RPS6KA3: variants seen among roughly 807,000 people sequenced by gnomAD.
RPS6KA3 encodes ribosomal protein S6 kinase A3, also known as ribosomal protein S6 kinase alpha-3.
A neutral mutation model predicts 67.2 loss-of-function variants in RPS6KA3; 4 were observed. The observed-to-expected ratio is 0.06, with a 90% CI of 0.03 to 0.14. The LOEUF is 0.14. Among genes scored for constraint, RPS6KA3 ranks in the 10% least tolerant of loss-of-function variants. The probability of loss-of-function intolerance (pLI) is 1.00; values close to 1 mark genes in which losing one functional copy is unlikely to be tolerated. For missense variants in RPS6KA3, 204 were observed against 559.0 expected, an observed-to-expected ratio of 0.36 and a Z score of 6.40; for synonymous variants, 182 against 183.7, an observed-to-expected ratio of 0.99 and a Z score of 0.07.
chrX:20,176,578 C>CTAAT lies in RPS6KA3; in HGVS notation c.935-84_935-81dup, dbSNP rs754409176. On this transcript the variant is annotated intron_variant, in intron 11 of 21. Transcript: ENST00000379565. The stretch of plus-strand genomic sequence containing the variant: ...CTCAGCCTTTGTTTTCAATACTTGT[C>CTAAT]TAATTAATTAATTAATTAATTAATT... The CTAAT allele has an allele frequency of 1.6e-3, 962 of 586,935 alleles. 4 individuals carry two copies. The highest frequency in any genetic ancestry group is 0.01 in the African/African-American group (445 of 42,498). The allele number at this position is 586,935 out of a possible 1,213,427, so 48.4% of individuals were successfully genotyped here. A position where few individuals can be genotyped will look rare whatever the true frequency, so the allele number is the denominator to read the frequency against.
At chrX:20,220,149 C>G (rs1185626805) in intron 2 of RPS6KA3, among the ~76,000 whole-genome samples, 1 of 110,559 alleles carries the variant, frequency 9.0e-6, no homozygotes, top group African/African-American at 3.3e-5. Flanking sequence ...GGCTCTTCCT[C>G]CTCTATCAAA....
At chrX:20,198,117 AT>A (rs1278500873) in intron 4 of RPS6KA3, among the ~76,000 whole-genome samples, 18 of 112,155 alleles carry the variant, frequency 1.6e-4, no homozygotes, top group Non-Finnish European at 2.8e-4. Flanking sequence ...GAACTTTAAA[AT>A]GGGAAGAGAC....
At chrX:20,266,422 C>T in intron 1 of RPS6KA3, 142 bp downstream of exon 1, 2 of 494,574 alleles carry the variant, frequency 4.0e-6, no homozygotes, top group Non-Finnish European at 6.9e-6. Context: ...CCCACCCCAA[C>T]AACCCAAACC....
chrX:20,205,346 C>T (rs2068549220), intron 3 of RPS6KA3, among the ~76,000 whole-genome samples: 1 of 112,647 alleles, frequency 8.9e-6, no homozygotes, highest in African/African-American at 3.2e-5. Context: ...CAACCACAAT[C>T]AAGAATTAAG....
chrX:20,171,145 T>C (rs1286795907), intron 15 of RPS6KA3, among the ~76,000 whole-genome samples: 2 of 112,343 alleles, frequency 1.8e-5, no homozygotes, highest in African/African-American at 6.5e-5. Flanking sequence ...ATATAATACA[T>C]ATAACATACA....
At chrX:20,255,789 CAAAAAAAAAAA>C (rs766544803) in intron 1 of RPS6KA3, among the ~76,000 whole-genome samples, 1 of 17,151 alleles carries the variant, frequency 5.8e-5, no homozygotes, top group African/African-American at 3.0e-4. Context: ...AATTTCGTCT[CAAAAAAAAAAA>C]AAAAAAAAAA....
At chrX:20,227,835 T>TA (rs555606011) in intron 2 of RPS6KA3, among the ~76,000 whole-genome samples, 6 of 109,848 alleles carry the variant, frequency 5.5e-5, no homozygotes, top group South Asian at 3.8e-4. Flanking sequence ...TATTACAACG[T>TA]AAAAAAAAAT....
At chrX:20,223,189 G>T (rs1359704565) in intron 2 of RPS6KA3, among the ~76,000 whole-genome samples, 2 of 111,111 alleles carry the variant, frequency 1.8e-5, no homozygotes, top group Non-Finnish European at 3.8e-5. Context: ...ATTTTATTTA[G>T]GATTTTTGCA....
Position 20,172,772 on chromosome X carries a change from C to A in RPS6KA3, c.1327G>T (p.Ala443Ser), listed in dbSNP as rs1569201390. ...TTCACTGCAAACTCCATGTTTGTAG[C>A]TTTATGTATACATCTCTTGCAAACA... ...YSVCKRCIHK[A>S]TNMEFAVKII... Residue 443 changes from alanine to serine, a missense_variant, in exon 15 of 22, where the codon GCT becomes TCT. This residue lies in a region of RPS6KA3 where 73 missense variants were observed against 241.1 expected (regional missense o/e 0.30). Transcript: ENST00000379565. The A allele has an allele frequency of 8.3e-7, 1 of 1,202,859 alleles. No homozygotes were observed. Among genetic ancestry groups the A allele is most frequent in the Non-Finnish European group, 1.1e-6 (1 of 888,798 alleles).
chrX:20,264,776 T>G (rs1180161941), intron 1 of RPS6KA3, among the ~76,000 whole-genome samples: 1 of 112,270 alleles, frequency 8.9e-6, no homozygotes, highest in Non-Finnish European at 1.9e-5. Flanking sequence ...GATCTTGAGT[T>G]GCAATTGTTA....
intron 2 of RPS6KA3, chrX:20,219,050 G>A (rs1222887367): frequency 2.7e-6 from 1 of 366,887 alleles, no homozygotes; most frequent in African/African-American, 2.6e-5. Flanking sequence ...GGGCACTAAT[G>A]TAGCTGGATA....
chrX:20,262,327 T>C (rs913774925), intron 1 of RPS6KA3, among the ~76,000 whole-genome samples: 1 of 112,123 alleles, frequency 8.9e-6, no homozygotes, highest in African/African-American at 3.2e-5. Context: ...GTGATCTGTA[T>C]TTTTGGTCAT....
At chrX:20,159,420 G>C (rs1325559074) in intron 20 of RPS6KA3, among the ~76,000 whole-genome samples, 5 of 112,478 alleles carry the variant, frequency 4.4e-5, no homozygotes, top group African/African-American at 1.6e-4. Flanking sequence ...TTGCTCTTGA[G>C]GGGATACACC....
chrX:20,231,451 A>C (rs921061083), intron 2 of RPS6KA3, among the ~76,000 whole-genome samples: 15 of 112,071 alleles, frequency 1.3e-4, no homozygotes, highest in African/African-American at 4.5e-4. Flanking sequence ...TGGAAGATTA[A>C]ATGTGTAGGA....
At chrX:20,187,748 A>C in intron 9 of RPS6KA3, 80 bp downstream of exon 9, 2 of 818,821 alleles carry the variant, frequency 2.4e-6, no homozygotes, top group Non-Finnish European at 1.9e-6. Context: ...AAATAAAAAC[A>C]CCAGTTTCTT....
Position 20,162,966 on chromosome X carries a change from G to A in RPS6KA3, c.1839C>T (p.Thr613=), listed in dbSNP as rs775327790. The change falls in exon 19 of 22, where the codon ACC becomes ACT. Residue 613 remains threonine, a splice_region_variant and synonymous_variant. Coordinates refer to ENST00000379565, the MANE Select transcript of RPS6KA3 (RefSeq NM_004586.3). ...SLGVLLYTML[T]GYTPFANGPD... is the part of the protein sequence containing the mutation. ...TAGAACATATGGTATACACTCACCC[G>A]GTAAGCATTGTATAGAGTAGGACAC... The A allele has an allele frequency of 5.3e-6, 6 of 1,129,077 alleles. No individual in the cohort carries two copies. Among genetic ancestry groups the A allele is most frequent in the Admixed American group, 2.2e-5 (1 of 45,597 alleles). 93.0% of individuals were successfully genotyped at this position (1,129,077 alleles called of 1,213,427 possible). A position where few individuals can be genotyped will look rare whatever the true frequency, so the allele number is the denominator to read the frequency against.
chrX:20,235,098 C>A (rs777979153), intron 1 of RPS6KA3, among the ~76,000 whole-genome samples: 1 of 111,548 alleles, frequency 9.0e-6, no homozygotes, highest in Non-Finnish European at 1.9e-5. Flanking sequence ...AAATGCATTA[C>A]AAATGGTCTC....
In RPS6KA3 at chrX:20,152,214, A is replaced by T. The variant is rs2067114258; in HGVS notation, c.*3184T>A. 8.9e-6 allele frequency: 1 copy of T among 112,252 alleles called. No homozygotes were observed. The highest frequency in any genetic ancestry group is 3.7e-4 in the South Asian group (1 of 2,682). The allele number at this position is 112,252 out of a possible 1,213,427, so 9.3% of individuals were successfully genotyped here. On this transcript the variant is annotated 3_prime_UTR_variant, in exon 22 of 22. Transcript: ENST00000379565. Reference sequence around the variant, plus strand: ...GACTTTTGGGGTTGCTTGTGAATAAATGCATCCATATCAAATCTGTTAAAG... The same window carrying T: ...GACTTTTGGGGTTGCTTGTGAATAATTGCATCCATATCAAATCTGTTAAAG...
At chrX:20,168,043 T>C (rs1213342780) in intron 16 of RPS6KA3, among the ~76,000 whole-genome samples, 1 of 111,884 alleles carries the variant, frequency 8.9e-6, no homozygotes, top group African/African-American at 3.2e-5. Flanking sequence ...AGACGAGCTT[T>C]TGCTGTGTCT....
Sources: allele counts gnomAD v4.1 joint callset (sites outside exome capture counted in the v4.1 genomes callset), GRCh38; gene constraint gnomAD v4.1.1; regional missense constraint gnomAD v4.1.1; transcripts MANE v1.5; gene names NCBI Gene and HGNC (gene_info 2026-07-23, HGNC 2026-07-21).